CACNA2D3: variants seen among roughly 807,000 people sequenced by gnomAD.
The protein encoded by CACNA2D3 is calcium voltage-gated channel auxiliary subunit alpha2delta 3.
CACNA2D3 carries 60 observed loss-of-function variants against 160.6 expected under a neutral mutation model. The ratio of observed to expected loss-of-function variants is 0.37; its 90% CI spans 0.30 to 0.46. The LOEUF (loss-of-function observed/expected upper bound fraction) is 0.46. Ranked by LOEUF, CACNA2D3 falls within the 20% of genes least tolerant of loss-of-function variation. CACNA2D3 has a pLI of 1.00. For missense variants in CACNA2D3, 1,205 were observed against 1,365.0 expected, an observed-to-expected ratio of 0.88 and a Z score of 1.85; for synonymous variants, 558 against 492.9, an observed-to-expected ratio of 1.13 and a Z score of -1.75.
intron 9 of CACNA2D3, among the ~76,000 whole-genome samples, chr3:54,624,262 C>T (rs1351659379): frequency 1.3e-5 from 2 of 152,088 alleles, no homozygotes; most frequent in African/African-American, 4.8e-5. Context: ...GCAACCATTG[C>T]CTGAAGTGCC....
chr3:55,012,807 A>ACCAAGG (rs1219426260), intron 34 of CACNA2D3, among the ~76,000 whole-genome samples: 7 of 152,202 alleles, frequency 4.6e-5, no homozygotes, highest in African/African-American at 1.4e-4. Flanking sequence ...CGTGGCCTAG[A>ACCAAGG]CCAAGGGGTG....
At position 54,928,183 on chromosome 3, in the gene CACNA2D3, C is replaced by G. The variant is rs151049863; in HGVS notation, c.2449+28315C>G. The G allele has an allele frequency of 4.5e-3, 2,209 of 495,972 alleles. 7 individuals carry two copies. Among genetic ancestry groups the G allele is most frequent in the Non-Finnish European group, 5.9e-3 (1,669 of 280,666 alleles). 30.7% of individuals were successfully genotyped at this position (495,972 alleles called of 1,614,324 possible). ...CTCTTCTTTCTTAAAATGTTGGCCT[C>G]CCCAGGATCATCCCTGCCTTTCCCA... On this transcript the variant is annotated intron_variant, in intron 27 of 37. Transcript: ENST00000474759.
At chr3:54,292,908 C>T (rs1010137102) in intron 2 of CACNA2D3, among the ~76,000 whole-genome samples, 11 of 152,214 alleles carry the variant, frequency 7.2e-5, no homozygotes, top group African/African-American at 2.2e-4. Context: ...CCACAATAGC[C>T]AAAGGTGGAA....
chr3:54,929,676 G>A (rs80191133), intron 27 of CACNA2D3, among the ~76,000 whole-genome samples: 15,000 of 152,168 alleles, frequency 0.099, 833 homozygotes, highest in Non-Finnish European at 0.12. Context: ...AAAGTCAGGT[G>A]TAGGTGACAA....
intron 11 of CACNA2D3, among the ~76,000 whole-genome samples, chr3:54,645,597 G>A (rs1290442739): frequency 1.3e-5 from 2 of 152,126 alleles, no homozygotes; most frequent in African/African-American, 4.8e-5. Context: ...TCCCACAGGT[G>A]TGGAGTTCCT....
chr3:54,494,209 C>T lies in CACNA2D3; in HGVS notation c.382-9283C>T, dbSNP rs113232094. ...CTTGGACTAAACATGTCTTTTCCTG[C>T]ATTGATCATATGGACAAAACCACTG... On this transcript the variant is annotated intron_variant, in intron 4 of 37. Transcript: ENST00000474759. Among the ~76,000 whole-genome samples, 1,114 of 152,312 alleles carry T rather than the reference C, an allele frequency of 7.3e-3. 7 individuals carry two copies. The highest frequency in any genetic ancestry group is 0.011 in the Non-Finnish European group (724 of 68,016).
intron 3 of CACNA2D3, among the ~76,000 whole-genome samples, chr3:54,348,756 T>C (rs937168324): frequency 7.9e-5 from 12 of 152,072 alleles, no homozygotes; most frequent in African/African-American, 2.9e-4. Flanking sequence ...TGAGACGGAG[T>C]CTCGCTCTGT....
intron 2 of CACNA2D3, among the ~76,000 whole-genome samples, chr3:54,276,625 C>CCATGCTGA (rs957524807): frequency 1.3e-5 from 2 of 150,950 alleles, no homozygotes; most frequent in African/African-American, 4.9e-5. Context: ...TAGAGAGAGT[C>CCATGCTGA]CATGCTGATT....
At chr3:54,768,325 C>G (rs924915383) in intron 13 of CACNA2D3, among the ~76,000 whole-genome samples, 2 of 152,180 alleles carry the variant, frequency 1.3e-5, no homozygotes, top group Non-Finnish European at 2.9e-5. Flanking sequence ...ACACATCACA[C>G]TTATGTATTG....
chr3:54,234,703 T>C (rs1394337323), intron 2 of CACNA2D3, among the ~76,000 whole-genome samples: 1 of 152,176 alleles, frequency 6.6e-6, no homozygotes, highest in African/African-American at 2.4e-5. Flanking sequence ...ATCATGTCCT[T>C]TGCAGGAACA....
chr3:55,004,142 A>G (rs1025891309), intron 31 of CACNA2D3, among the ~76,000 whole-genome samples: 1 of 152,224 alleles, frequency 6.6e-6, no homozygotes, highest in African/African-American at 2.4e-5. Flanking sequence ...TCGCCAGTGT[A>G]GGAAAAAAAT....
intron 35 of CACNA2D3, among the ~76,000 whole-genome samples, chr3:55,019,069 T>C (rs1380981278): frequency 6.7e-6 from 1 of 150,182 alleles, no homozygotes; most frequent in African/African-American, 2.5e-5. Context: ...AGGCACACAA[T>C]GCATAGAAAT....
chr3:54,474,864 A>G (rs1256091496), intron 4 of CACNA2D3, among the ~76,000 whole-genome samples: 1 of 152,148 alleles, frequency 6.6e-6, no homozygotes, highest in Non-Finnish European at 1.5e-5. Context: ...GAGTTTTAAT[A>G]TCATTTGGTT....
intron 11 of CACNA2D3, among the ~76,000 whole-genome samples, chr3:54,654,789 G>A (rs912339711): frequency 6.6e-6 from 1 of 152,168 alleles, no homozygotes; most frequent in Non-Finnish European, 1.5e-5. Context: ...CTACCACCTA[G>A]GTTAATTTAC....
intron 27 of CACNA2D3, among the ~76,000 whole-genome samples, chr3:54,959,262 C>G (rs2107041033): frequency 6.6e-6 from 1 of 152,300 alleles, no homozygotes; most frequent in Non-Finnish European, 1.5e-5. Context: ...CAGTTCACCA[C>G]AGTTCCCTGT....
intron 11 of CACNA2D3, among the ~76,000 whole-genome samples, chr3:54,643,310 C>A (rs1488602132): frequency 6.6e-6 from 1 of 152,176 alleles, no homozygotes; most frequent in South Asian, 2.1e-4. Context: ...TTTCTATATT[C>A]CCTTAGTCAC....
intron 30 of CACNA2D3, among the ~76,000 whole-genome samples, chr3:54,984,920 A>G (rs549509280): frequency 2.0e-5 from 3 of 152,318 alleles, no homozygotes; most frequent in Admixed American, 2.0e-4. Flanking sequence ...TCTCTCACTC[A>G]TAAAATGTTC....
chr3:54,574,839 C>T (rs902050186), intron 8 of CACNA2D3, among the ~76,000 whole-genome samples: 1 of 152,246 alleles, frequency 6.6e-6, no homozygotes, highest in African/African-American at 2.4e-5. Context: ...ATGCCTCCTG[C>T]AGCCCATATT....
At chr3:54,348,795 C>T (rs1412650326) in intron 3 of CACNA2D3, among the ~76,000 whole-genome samples, 3 of 152,200 alleles carry the variant, frequency 2.0e-5, no homozygotes, top group Admixed American at 6.5e-5. Context: ...GTGGCACGAT[C>T]CCCACTCACT....
Sources: allele counts gnomAD v4.1 joint callset (sites outside exome capture counted in the v4.1 genomes callset), GRCh38; gene constraint gnomAD v4.1.1; transcripts MANE v1.5; gene names NCBI Gene and HGNC (gene_info 2026-07-23, HGNC 2026-07-21).